The following CSN3 variants were observed in gnomAD, a reference collection of about 807,000 sequenced individuals.
CSN3 encodes the protein kappa-casein.
CSN3 carries 7 observed loss-of-function variants against 9.9 expected under a neutral mutation model. The observed-to-expected ratio is 0.71, with a 90% CI of 0.40 to 1.33. The LOEUF (loss-of-function observed/expected upper bound fraction) is 1.33. CSN3 is among the 40% of genes most tolerant of loss of function. The pLI, the probability that CSN3 is intolerant of heterozygous loss-of-function variation, is 0.01. For synonymous variants in CSN3, 88 were observed against 82.3 expected (o/e 1.07, Z -0.37); for missense variants, 253 against 227.9 (o/e 1.11, Z -0.71).
chr4:70,248,879 A>G (rs1730427939), intron 3 of CSN3, 119 bp from the exon 4 acceptor site: 3 of 612,664 alleles, frequency 4.9e-6, no homozygotes, highest in South Asian at 7.8e-5. Flanking sequence ...GCTGGGTTCC[A>G]TACTTCTAAT....
chr4:70,246,630 G>A (rs1730382288), intron 2 of CSN3, among the ~76,000 whole-genome samples: 2 of 148,926 alleles, frequency 1.3e-5, no homozygotes, highest in African/African-American at 2.5e-5. Context: ...TAGATTGTCA[G>A]AATTTTTTAA....
intron 2 of CSN3, among the ~76,000 whole-genome samples, chr4:70,246,908 A>C (rs750780626): frequency 6.6e-6 from 1 of 151,926 alleles, no homozygotes; most frequent in East Asian, 1.9e-4. Flanking sequence ...CTGACCTCAG[A>C]TGATCCACCC....
upstream of CSN3, among the ~76,000 whole-genome samples, chr4:70,242,279 TTTTATTTTA>T (rs1730287644): frequency 5.5e-5 from 1 of 18,208 alleles, no homozygotes; most frequent in African/African-American, 2.9e-4. Flanking sequence ...TGCATTTCTT[TTTTATTTTA>T]TTTTATTTTA....
upstream of CSN3, among the ~76,000 whole-genome samples, chr4:70,240,544 G>C (rs1240176939): frequency 6.6e-6 from 1 of 151,962 alleles, no homozygotes; most frequent in Non-Finnish European, 1.5e-5. Flanking sequence ...GGAGATTTCA[G>C]AGCATGCGAG....
chr4:70,238,391 C>T (rs1275073146), upstream of CSN3, among the ~76,000 whole-genome samples: 2 of 151,608 alleles, frequency 1.3e-5, no homozygotes, highest in Non-Finnish European at 2.9e-5. Flanking sequence ...GAGTTTGGCA[C>T]ATTCTAGGAA....
chr4:70,249,183 C>T (rs1039355693), exon 4 of CSN3: 41 of 1,613,864 alleles, frequency 2.5e-5, no homozygotes, highest in African/African-American at 6.7e-5. Flanking sequence ...GGCCACATGC[C>T]CAAATTCCTC....
At chr4:70,249,291 T>C in exon 4 of CSN3, 4 of 1,613,994 alleles carry the variant, frequency 2.5e-6, no homozygotes, top group Non-Finnish European at 3.4e-6. Flanking sequence ...AAATTCAGGA[T>C]AAAATAATCA....
chr4:70,249,838 CATG>C (rs1404660929), intron 4 of CSN3, among the ~76,000 whole-genome samples: 1 of 152,100 alleles, frequency 6.6e-6, no homozygotes, highest in Admixed American at 6.5e-5. Flanking sequence ...GTAACATTTT[CATG>C]ATATTTCAAA....
chr4:70,249,927 C>T (rs1220645216), intron 4 of CSN3, among the ~76,000 whole-genome samples: 3 of 152,164 alleles, frequency 2.0e-5, no homozygotes, highest in African/African-American at 7.2e-5. Flanking sequence ...CTTGCACTCT[C>T]ATTGTAGTAT....
At position 70,244,797 on chromosome 4, in the gene CSN3, T is replaced by C. The variant is rs192633784; in HGVS notation, c.-8-15T>C. On this transcript the variant is annotated splice_polypyrimidine_tract_variant and intron_variant, in intron 1 of 4. Transcript: ENST00000304954. Reference sequence around the variant, plus strand: ...AAATTCTTTTAAATTAATTTTTTTTTAAATTTATCTTTAGGTGCAATAATG... The same window carrying C: ...AAATTCTTTTAAATTAATTTTTTTTCAAATTTATCTTTAGGTGCAATAATG... 7.0e-7 allele frequency: 1 copy of C among 1,437,936 alleles called. No homozygotes were observed. Among genetic ancestry groups the C allele is most frequent in the Admixed American group, 2.1e-5 (1 of 47,990 alleles). 89.1% of individuals were successfully genotyped at this position (1,437,936 alleles called of 1,614,324 possible).
intron 2 of CSN3, among the ~76,000 whole-genome samples, chr4:70,247,450 T>A (rs1194956988): frequency 6.6e-6 from 1 of 152,166 alleles, no homozygotes; most frequent in Non-Finnish European, 1.5e-5. Flanking sequence ...TCAATGCTCC[T>A]CTAATTTTTA....
chr4:70,245,173 T>A (rs1336963639), intron 2 of CSN3, among the ~76,000 whole-genome samples: 1 of 152,016 alleles, frequency 6.6e-6, no homozygotes, highest in Non-Finnish European at 1.5e-5. Flanking sequence ...ACTGAAAACA[T>A]TTTAAAATTG....
intron 4 of CSN3, among the ~76,000 whole-genome samples, chr4:70,250,430 G>T (rs900724616): frequency 6.6e-6 from 1 of 152,048 alleles, no homozygotes; most frequent in Admixed American, 6.6e-5. Flanking sequence ...CCATAGGCTG[G>T]TCATTACTTT....
At chr4:70,250,150 A>G (rs1427643820) in intron 4 of CSN3, among the ~76,000 whole-genome samples, 1 of 152,232 alleles carries the variant, frequency 6.6e-6, no homozygotes, top group Admixed American at 6.5e-5. Flanking sequence ...TATTACTTGG[A>G]CCAATGGATA....
chr4:70,249,373 G>T (rs1376725974), exon 4 of CSN3: 2 of 1,614,100 alleles, frequency 1.2e-6, no homozygotes, highest in Non-Finnish European at 1.7e-6. Context: ...GGTGGACAGT[G>T]TAGTCACTCC....
At chr4:70,238,447 GAAGTT>G (rs1481774630), upstream of CSN3, among the ~76,000 whole-genome samples, 2 of 151,818 alleles carry the variant, frequency 1.3e-5, no homozygotes, top group Non-Finnish European at 2.9e-5. Flanking sequence ...AAAAGTGGTA[GAAGTT>G]AAGGTAAGAT....
At chr4:70,246,856 G>C (rs1053688638) in intron 2 of CSN3, among the ~76,000 whole-genome samples, 6 of 151,816 alleles carry the variant, frequency 4.0e-5, no homozygotes, top group African/African-American at 7.3e-5. Context: ...ATTTTTAGTA[G>C]AGGCAGGGTT....
At position 70,247,803 on chromosome 4, in the gene CSN3, TCTGGAACTCCC is replaced by T; in HGVS notation, c.55-13_55-3del. On this transcript the variant is annotated splice_region_variant and splice_polypyrimidine_tract_variant and intron_variant, in intron 2 of 4. Transcript: ENST00000304954. Reference sequence around the variant, plus strand: ...TAACTTATTTCTCATTATTTCTTCTTCTGGAACTCCCCAGGCTGTGGAGGTTCAAAACCAGA... The same window carrying T: ...TAACTTATTTCTCATTATTTCTTCTTCAGGCTGTGGAGGTTCAAAACCAGA... 6.3e-7 allele frequency: 1 copy of T among 1,584,280 alleles called. No individual in the cohort carries two copies. The highest frequency in any genetic ancestry group is 8.6e-7 in the Non-Finnish European group (1 of 1,169,244).
At chr4:70,241,212 G>C (rs569671333), upstream of CSN3, among the ~76,000 whole-genome samples, 3 of 151,928 alleles carry the variant, frequency 2.0e-5, no homozygotes, top group Non-Finnish European at 4.4e-5. Context: ...AAAACACTGT[G>C]ACTAAATAGT....
Sources: gnomAD v4.1 joint callset for allele counts (sites outside exome capture counted in the v4.1 genomes callset) on GRCh38, gnomAD v4.1.1 for gene constraint, MANE v1.5 for transcripts, NCBI Gene and HGNC (gene_info 2026-07-23, HGNC 2026-07-21) for gene names.